Variants in PAK1 observed in about 807,000 individuals in gnomAD.
The protein encoded by PAK1 is serine/threonine-protein kinase PAK 1.
Under a neutral mutation model 67.4 loss-of-function variants are expected in PAK1, and 29 were observed. The ratio of observed to expected loss-of-function variants is 0.43; its 90% CI spans 0.32 to 0.59. The LOEUF is 0.59. Among genes scored for constraint, PAK1 ranks in the 20% least tolerant of loss-of-function variants. PAK1 has a pLI of 0.07. For synonymous variants in PAK1, 223 were observed against 237.4 expected (o/e 0.94, Z 0.56); for missense variants, 337 against 670.7 (o/e 0.50, Z 5.50).
Position 77,420,830 on chromosome 11 carries a change from T to C in PAK1, c.-21-28289A>G, listed in dbSNP as rs113524837. On this transcript the variant is annotated intron_variant, in intron 1 of 14. Transcript: ENST00000356341. ...ATTAAAACAACTGGGTAAGTGCTAC[T>C]GGCATTTAGTAAGTGGGAGCCAGGG... Among the ~76,000 whole-genome samples the C allele has an allele frequency of 8.6e-3, 1,311 of 152,340 alleles. 27 individuals carry two copies. Among genetic ancestry groups the C allele is most frequent in the African/African-American group, 0.03 (1,250 of 41,572 alleles).
At chr11:77,368,649 T>A (rs576079) in intron 5 of PAK1, among the ~76,000 whole-genome samples, 95,618 of 150,654 alleles carry the variant, frequency 0.63, 30,342 homozygotes, top group Non-Finnish European at 0.67. Context: ...ACCTGGATAA[T>A]AATATTTTTT....
chr11:77,324,451 G>T (rs1384715618), intron 14 of PAK1, among the ~76,000 whole-genome samples: 2 of 152,074 alleles, frequency 1.3e-5, no homozygotes, highest in Non-Finnish European at 2.9e-5. Context: ...GGGATAACAG[G>T]CATGAGCCAC....
At chr11:77,517,186 A>G in the PAK1 span, among the ~76,000 whole-genome samples, 1 of 152,134 alleles carries the variant, frequency 6.6e-6, no homozygotes, top group Non-Finnish European at 1.5e-5. Context: ...CACATAGGGC[A>G]TTATAGCCAC....
intron 5 of PAK1, among the ~76,000 whole-genome samples, chr11:77,373,949 T>G (rs1948766031): frequency 6.6e-6 from 1 of 152,214 alleles, no homozygotes; most frequent in Non-Finnish European, 1.5e-5. Flanking sequence ...ATCCTCATTT[T>G]ATTGATGAAG....
At chr11:77,386,683 T>C (rs1440756987) in intron 2 of PAK1, among the ~76,000 whole-genome samples, 2 of 152,042 alleles carry the variant, frequency 1.3e-5, no homozygotes, top group Non-Finnish European at 2.9e-5. Context: ...TTCTTTCTCA[T>C]CTCCCAAAAA....
chr11:77,342,097 T>G (rs571847941), intron 10 of PAK1, among the ~76,000 whole-genome samples: 1 of 152,366 alleles, frequency 6.6e-6, no homozygotes, highest in South Asian at 2.1e-4. Flanking sequence ...TCATGAGGGT[T>G]CTGCCCATGA....
chr11:77,433,352 A>G (rs1199028955), intron 1 of PAK1, among the ~76,000 whole-genome samples: 1 of 152,252 alleles, frequency 6.6e-6, no homozygotes, highest in East Asian at 1.9e-4. Flanking sequence ...TACATCAAAA[A>G]TAAAAACTTT....
chr11:77,380,037 T>A, intron 2 of PAK1, 43 bp from the exon 3 acceptor site: 1 of 1,477,018 alleles, frequency 6.8e-7, no homozygotes, highest in Non-Finnish European at 9.4e-7. Context: ...ACAGGAACAT[T>A]ATTGTTTTTA....
intron 1 of PAK1, among the ~76,000 whole-genome samples, chr11:77,443,021 C>T (rs1044577862): frequency 6.6e-6 from 1 of 152,138 alleles, no homozygotes; most frequent in African/African-American, 2.4e-5. Context: ...GTATCTAAAA[C>T]AGTATAGAAT....
chr11:77,459,136 G>T (rs553203661), intron 1 of PAK1, among the ~76,000 whole-genome samples: 16 of 152,300 alleles, frequency 1.1e-4, no homozygotes, highest in Non-Finnish European at 1.8e-4. Context: ...GGTTAGAAGA[G>T]ATGATGCTGA....
chr11:77,407,838 G>T (rs1022292028), intron 1 of PAK1, among the ~76,000 whole-genome samples: 1 of 152,208 alleles, frequency 6.6e-6, no homozygotes, highest in African/African-American at 2.4e-5. Context: ...TAACAGGGAC[G>T]AAGTCTGTTT....
intron 5 of PAK1, among the ~76,000 whole-genome samples, chr11:77,361,143 A>G (rs963403421): frequency 4.6e-5 from 7 of 152,176 alleles, no homozygotes; most frequent in African/African-American, 1.7e-4. Context: ...AGAGTAAAAA[A>G]CAATCACCAA....
chr11:77,399,572 A>G (rs1186492700), intron 1 of PAK1, among the ~76,000 whole-genome samples: 1 of 152,184 alleles, frequency 6.6e-6, no homozygotes, highest in Non-Finnish European at 1.5e-5. Flanking sequence ...TTTAAGAAAT[A>G]AGATTGGCCG....
chr11:77,478,226 T>TCAA (rs1381563538), upstream of PAK1, among the ~76,000 whole-genome samples: 1 of 152,126 alleles, frequency 6.6e-6, no homozygotes, highest in Non-Finnish European at 1.5e-5. Context: ...TTTTTTCTCA[T>TCAA]CAACATTGTA....
At chr11:77,424,532 G>C (rs1955450938) in intron 1 of PAK1, among the ~76,000 whole-genome samples, 1 of 152,148 alleles carries the variant, frequency 6.6e-6, no homozygotes, top group African/African-American at 2.4e-5. Flanking sequence ...TCTTCAAAAA[G>C]GGGACAAAAT....
chr11:77,384,211 A>C (rs1023834675), intron 2 of PAK1, among the ~76,000 whole-genome samples: 1 of 152,210 alleles, frequency 6.6e-6, no homozygotes, highest in African/African-American at 2.4e-5. Flanking sequence ...TCAGCAAGTC[A>C]ACCAAATTTC....
At chr11:77,455,708 A>C (rs987910920) in intron 1 of PAK1, among the ~76,000 whole-genome samples, 4 of 152,230 alleles carry the variant, frequency 2.6e-5, no homozygotes, top group Admixed American at 6.5e-5. Flanking sequence ...ATGACAAATA[A>C]GATAGCATAT....
At chr11:77,349,730 C>A (rs563081078) in intron 8 of PAK1, among the ~76,000 whole-genome samples, 3 of 151,990 alleles carry the variant, frequency 2.0e-5, no homozygotes, top group Non-Finnish European at 2.9e-5. Context: ...ACCCTTGGCA[C>A]GTGGCTCTAA....
At chr11:77,490,762 C>T in the PAK1 span, among the ~76,000 whole-genome samples, 8 of 152,194 alleles carry the variant, frequency 5.3e-5, no homozygotes, top group African/African-American at 1.9e-4. Context: ...ACATGGGAAA[C>T]TTTTCATTTT....
Sources: allele counts gnomAD v4.1 joint callset (sites outside exome capture counted in the v4.1 genomes callset), GRCh38; gene constraint gnomAD v4.1.1; transcripts MANE v1.5; gene names NCBI Gene and HGNC (gene_info 2026-07-23, HGNC 2026-07-21).